The following RAP1GAP variants were observed in gnomAD, a reference collection of about 807,000 sequenced individuals.
RAP1GAP encodes rap1 GTPase-activating protein 1.
In RAP1GAP, 35 loss-of-function variants were observed where a neutral mutation model predicts 87.2. The ratio of observed to expected loss-of-function variants is 0.40; its 90% CI spans 0.31 to 0.53. The LOEUF (loss-of-function observed/expected upper bound fraction) is 0.53, where lower values mean the gene tolerates loss of function less well. Ranked by LOEUF, RAP1GAP falls within the 20% of genes least tolerant of loss-of-function variation. The pLI is 0.48. For synonymous variants in RAP1GAP, 375 were observed against 363.9 expected (o/e 1.03, Z -0.35); for missense variants, 734 against 898.9 (o/e 0.82, Z 2.35).
At position 21,603,218 on chromosome 1, in the gene RAP1GAP, T is replaced by C. The variant is rs956836833; in HGVS notation, c.1429-305A>G. On this transcript the variant is annotated intron_variant, in intron 18 of 24. Transcript: ENST00000374765. This position sits in a 1 kb window ranked among gnomAD's most constrained non-coding sequence, Gnocchi z 6.0. ...GCCGAGTCCTCAGAATGGCTACCGC[T>C]CCCCGCCCCCCAGGGCTCTGTGGGA... 9.7e-6 allele frequency: 4 copies of C among 411,494 alleles called. No individual in the cohort carries two copies. The highest frequency in any genetic ancestry group is 4.4e-5 in the South Asian group (1 of 22,912). The allele number at this position is 411,494 out of a possible 1,614,324, so 25.5% of individuals were successfully genotyped here.
Position 21,606,208 on chromosome 1 carries a change from G to A in RAP1GAP, c.1297-11C>T, listed in dbSNP as rs760666039. The stretch of plus-strand genomic sequence containing the variant: ...GCTCCGGATGACCCGCTGTGAAGGG[G>A]GTGGCAGTGGAGGAGGCACAGGATT... On this transcript the variant is annotated splice_polypyrimidine_tract_variant and intron_variant, in intron 17 of 24. Coordinates refer to ENST00000374765, the MANE Select transcript of RAP1GAP (RefSeq NM_002885.4). 5 of 1,573,208 alleles carry A rather than the reference G, an allele frequency of 3.2e-6. No homozygotes were observed. Among genetic ancestry groups the A allele is most frequent in the Non-Finnish European group, 4.3e-6 (5 of 1,161,350 alleles).
intron 1 of RAP1GAP, among the ~76,000 whole-genome samples, chr1:21,660,099 C>T (rs2097060538): frequency 6.6e-6 from 1 of 151,568 alleles, no homozygotes; most frequent in Non-Finnish European, 1.5e-5. Flanking sequence ...GGGCATGGAG[C>T]CTCAAGATCT....
At chr1:21,638,174 A>G (rs1265189329) in intron 2 of RAP1GAP, among the ~76,000 whole-genome samples, 1 of 147,498 alleles carries the variant, frequency 6.8e-6, no homozygotes, top group East Asian at 2.1e-4. Flanking sequence ...AAAAGAAAAA[A>G]AGGCCGGGCA....
chr1:21,660,339 C>CTATTTATA (rs563814821), intron 1 of RAP1GAP, among the ~76,000 whole-genome samples: 10 of 52,858 alleles, frequency 1.9e-4, no homozygotes, highest in East Asian at 1.4e-3. Context: ...TCCAACTCAG[C>CTATTTATA]TATATATATT....
chr1:21,633,112 A>G (rs2094086730), intron 2 of RAP1GAP, among the ~76,000 whole-genome samples: 1 of 152,160 alleles, frequency 6.6e-6, no homozygotes, highest in Admixed American at 6.5e-5. Context: ...AGTGCTTGTA[A>G]TTATTATTAC....
chr1:21,600,921 G>A (rs1485913885), intron 20 of RAP1GAP, among the ~76,000 whole-genome samples: 3 of 141,882 alleles, frequency 2.1e-5, no homozygotes, highest in Non-Finnish European at 3.0e-5. Flanking sequence ...TGTACAGCCT[G>A]CTAAGCTATA....
chr1:21,653,153 C>T (rs1447192359), intron 1 of RAP1GAP: 1 of 152,146 alleles, frequency 6.6e-6, no homozygotes, highest in Non-Finnish European at 1.5e-5. Flanking sequence ...GTAAGTGGCG[C>T]TGCAGTTTCC....
chr1:21,628,757 G>A (rs1042463311), intron 2 of RAP1GAP, among the ~76,000 whole-genome samples: 1 of 152,062 alleles, frequency 6.6e-6, no homozygotes, highest in Non-Finnish European at 1.5e-5. Context: ...GCACAGTGGT[G>A]GGCACCTATA....
At chr1:21,666,653 C>T (rs1291218391) in intron 1 of RAP1GAP, among the ~76,000 whole-genome samples, 4 of 152,120 alleles carry the variant, frequency 2.6e-5, no homozygotes, top group Non-Finnish European at 5.9e-5. Flanking sequence ...GGCCTCCACT[C>T]CCCTCCCCGG....
chr1:21,601,626 G>T (rs2068598435), intron 20 of RAP1GAP, 58 bp downstream of exon 20: 4 of 1,350,850 alleles, frequency 3.0e-6, no homozygotes, highest in Non-Finnish European at 4.1e-6. Context: ...AGGCAGGGGA[G>T]GGGAAGGACG....
At chr1:21,667,845 G>A (rs991236787) in intron 1 of RAP1GAP, among the ~76,000 whole-genome samples, 1 of 152,176 alleles carries the variant, frequency 6.6e-6, no homozygotes, top group East Asian at 1.9e-4. Flanking sequence ...GAAATTGCTC[G>A]TGCCACCTGA....
Position 21,603,394 on chromosome 1 carries a change from C to G in RAP1GAP, c.1429-481G>C, listed in dbSNP as rs2070848035. 3.7e-6 allele frequency: 2 copies of G among 537,690 alleles called. No individual in the cohort carries two copies. The highest frequency in any genetic ancestry group is 4.7e-5 in the South Asian group (2 of 42,550). The allele number at this position is 537,690 out of a possible 1,614,324, so 33.3% of individuals were successfully genotyped here. ...CTCCCCCAGCTTCCCACACACTGTGCTGGGATGCCCCAGGCCCCAGAAGCC... is the reference window on the plus strand; with the variant it reads ...CTCCCCCAGCTTCCCACACACTGTGGTGGGATGCCCCAGGCCCCAGAAGCC... On this transcript the variant is annotated intron_variant, in intron 18 of 24. Transcript: ENST00000374765. This position sits in a 1 kb window ranked among gnomAD's most constrained non-coding sequence, Gnocchi z 6.0.
intron 4 of RAP1GAP, among the ~76,000 whole-genome samples, chr1:21,619,413 G>A (rs867992022): frequency 6.6e-6 from 1 of 151,608 alleles, no homozygotes; most frequent in Admixed American, 6.6e-5. Context: ...GGGAGAGAGG[G>A]GGAGGGAGAG....
chr1:21,597,639 A>T, intron 24 of RAP1GAP, 47 bp downstream of exon 24: 1 of 1,497,434 alleles, frequency 6.7e-7, no homozygotes, highest in Non-Finnish European at 9.1e-7. Context: ...CCCTCTACAC[A>T]CCCCCACCCT....
intron 14 of RAP1GAP, 46 bp downstream of exon 14, chr1:21,610,074 G>A (rs752383444): frequency 6.2e-7 from 1 of 1,601,088 alleles, no homozygotes; most frequent in South Asian, 1.1e-5. Flanking sequence ...CAGAGCTGCA[G>A]CCAGGGCCCT....
In RAP1GAP at chr1:21,619,012, C is replaced by T. The variant is rs2084496693; in HGVS notation, c.66+13G>A. The T allele has an allele frequency of 6.3e-7, 1 of 1,592,708 alleles. No individual in the cohort carries two copies. The highest frequency in any genetic ancestry group is 1.3e-5 in the African/African-American group (1 of 74,622). On this transcript the variant is annotated intron_variant, in intron 5 of 24. Transcript: ENST00000374765. ...CCCCCTAGAGAGGGAGGCAGACTGC[C>T]AGGCCCACCTACTTTGAGGGGCGGC...
rs1311679504 is a variant in RAP1GAP, at chr1:21,611,978, A to G, written c.612+48T>C. 4.0e-6 allele frequency: 6 copies of G among 1,497,686 alleles called. No individual in the cohort carries two copies. In the East Asian group the frequency reaches 1.4e-4, roughly 36 times the overall value. 92.8% of individuals were successfully genotyped at this position (1,497,686 alleles called of 1,614,324 possible). A position where few individuals can be genotyped will look rare whatever the true frequency, so the allele number is the denominator to read the frequency against. The stretch of plus-strand genomic sequence containing the variant: ...TGCCCTGGAAAAGGTGTGAGGCTCC[A>G]GATATGGGGCCAGGTGGGGAGGGGC... On this transcript the variant is annotated intron_variant, in intron 11 of 24. Transcript: ENST00000374765.
At position 21,617,399 on chromosome 1, in the gene RAP1GAP, G is replaced by A. The variant is rs529613744; in HGVS notation, c.198C>T (p.Ile66=). ...GCGACTGCAGTGGCTCTGTCTCGGG[G>A]ATGCTGGTGATTTCGTGGTTGGTGC... ...IEGTNHEITS[I]PETEPLQSPT... Residue 66 remains isoleucine, a synonymous_variant, in exon 7 of 25, where the codon ATC becomes ATT. Coordinates refer to ENST00000374765, the MANE Select transcript of RAP1GAP (RefSeq NM_002885.4). 4 of 1,603,946 alleles carry A rather than the reference G, an allele frequency of 2.5e-6. 1 individual carries two copies. The Admixed American group carries it at 5.1e-5, about 21-fold the overall frequency.
rs2094361347 is a variant in RAP1GAP at position 21,634,401 on chromosome 1, A to G, written c.-112-8004T>C. On this transcript the variant is annotated intron_variant, in intron 2 of 24. Transcript: ENST00000374765. This position sits in a 1 kb window ranked among gnomAD's most constrained non-coding sequence, Gnocchi z 4.1. ...ACTGTGATGTCATTCAATCCTTATG[A>G]CAACAACCCTGACCTCAGGATGCTA... 6.6e-6 allele frequency among the ~76,000 whole-genome samples: 1 copy of G among 152,200 alleles called. No individual in the cohort carries two copies. Among genetic ancestry groups the G allele is most frequent in the African/African-American group, 2.4e-5 (1 of 41,448 alleles).
Sources: allele counts gnomAD v4.1 joint callset (sites outside exome capture counted in the v4.1 genomes callset), GRCh38; gene constraint gnomAD v4.1.1; non-coding constraint Gnocchi (gnomAD v3.1); transcripts MANE v1.5; gene names NCBI Gene and HGNC (gene_info 2026-07-23, HGNC 2026-07-21).